ASTN2: variants seen among roughly 807,000 people sequenced by gnomAD.
ASTN2 encodes astrotactin 2, also known as astrotactin-2.
In ASTN2, 54 loss-of-function variants were observed where a neutral mutation model predicts 139.8. The observed-to-expected ratio is 0.39, with a 90% CI of 0.31 to 0.48. The LOEUF is 0.48. ASTN2 is among the 20% of genes least tolerant of loss of function. The pLI, the probability that ASTN2 is intolerant of heterozygous loss-of-function variation, is 0.95. For missense variants in ASTN2, 1,565 were observed against 1,725.1 expected (o/e 0.91, Z 1.64); for synonymous variants, 756 against 719.5 (o/e 1.05, Z -0.81).
At position 117,216,888 on chromosome 9, in the gene ASTN2, T is replaced by C. The variant is rs189222260; in HGVS notation, c.631-2146A>G. Among the ~76,000 whole-genome samples, 8 of 152,352 alleles carry C rather than the reference T, an allele frequency of 5.3e-5. No individual in the cohort carries two copies. In the East Asian group the frequency reaches 1.5e-3, roughly 29 times the overall value. On this transcript the variant is annotated intron_variant, in intron 2 of 22. Transcript: ENST00000313400. Reference sequence around the variant, plus strand: ...TTAACACCTTTACTGAATGTTTTTTTATTTAATCTTTAAGACAAGACTATG... The same window carrying C: ...TTAACACCTTTACTGAATGTTTTTTCATTTAATCTTTAAGACAAGACTATG...
At chr9:117,104,070 A>G (rs115986385) in intron 4 of ASTN2, among the ~76,000 whole-genome samples, 3,525 of 152,316 alleles carry the variant, frequency 0.023, 124 homozygotes, top group African/African-American at 0.081. Flanking sequence ...TCACCCATCC[A>G]GCTAAGTGGA....
chr9:116,984,523 C>T (rs2132540527), intron 7 of ASTN2, among the ~76,000 whole-genome samples: 1 of 152,230 alleles, frequency 6.6e-6, no homozygotes, highest in South Asian at 2.1e-4. Flanking sequence ...CCCTTTGAAG[C>T]TTCTTTCAGC....
chr9:117,365,803 A>G (rs1239371271), intron 1 of ASTN2, among the ~76,000 whole-genome samples: 1 of 152,220 alleles, frequency 6.6e-6, no homozygotes, highest in Non-Finnish European at 1.5e-5. Flanking sequence ...GCCAAGGGTG[A>G]AGGCAGCTTG....
chr9:116,804,590 G>T (rs1182530332), intron 13 of ASTN2, among the ~76,000 whole-genome samples: 1 of 152,040 alleles, frequency 6.6e-6, no homozygotes, highest in East Asian at 1.9e-4. Flanking sequence ...CATTATTATT[G>T]TTAGTAGTTA....
chr9:116,657,198 T>C (rs910293488), intron 16 of ASTN2, among the ~76,000 whole-genome samples: 18 of 152,332 alleles, frequency 1.2e-4, no homozygotes, highest in Admixed American at 8.5e-4. Flanking sequence ...CCTGCACTTC[T>C]GTGTTGTGCA....
intron 17 of ASTN2, among the ~76,000 whole-genome samples, chr9:116,644,766 T>C (rs1437570477): frequency 2.6e-5 from 4 of 152,178 alleles, no homozygotes; most frequent in African/African-American, 7.2e-5. Flanking sequence ...AGGAGTAAAA[T>C]TGGCATTGTC....
chr9:117,241,927 C>A (rs1052062558), intron 2 of ASTN2, among the ~76,000 whole-genome samples: 2 of 146,352 alleles, frequency 1.4e-5, no homozygotes, highest in Admixed American at 1.3e-4. Flanking sequence ...GCAAGTTACC[C>A]CCCCCCACAC....
rs991738055 is a variant in ASTN2 at position 116,469,577 on chromosome 9, T to A, written c.3497+17782A>T. Among the ~76,000 whole-genome samples, 25 of 152,306 alleles carry A rather than the reference T, an allele frequency of 1.6e-4. No homozygotes were observed. In the Middle Eastern group the frequency reaches 0.02, roughly 124 times the overall value. On this transcript the variant is annotated intron_variant, in intron 20 of 22. Coordinates refer to ENST00000313400, the MANE Select transcript of ASTN2 (RefSeq NM_001365068.1). ...TTCTGCCACTTATTCCCTCAGTGACTTTGGCCAATTTATTGAACCTTCATG... is the reference window on the plus strand; with the variant it reads ...TTCTGCCACTTATTCCCTCAGTGACATTGGCCAATTTATTGAACCTTCATG...
chr9:117,008,231 G>T lies in ASTN2; in HGVS notation c.1452C>A (p.Ser484Arg), dbSNP rs1292640668. ...TTAACCAGTCGGAGATGTCCAGGTA[G>T]CTCCCTTCACTCACCACGAAGCTGC... ...DGSSFVVSEG[S>R]YLDISDWLNP... The change falls in exon 7 of 23, where the codon AGC becomes AGA. Residue 484 changes from serine to arginine, a missense_variant. Transcript: ENST00000313400. The T allele has an allele frequency of 6.2e-7, 1 of 1,606,862 alleles. No homozygotes were observed. Among genetic ancestry groups the T allele is most frequent in the Non-Finnish European group, 8.5e-7 (1 of 1,176,628 alleles).
chr9:117,115,980 G>A (rs1829377424), intron 4 of ASTN2, among the ~76,000 whole-genome samples: 1 of 150,840 alleles, frequency 6.6e-6, no homozygotes, highest in Non-Finnish European at 1.5e-5. Context: ...AGCTGAGATT[G>A]TGCCACTGCA....
chr9:116,574,874 C>A (rs1002410386), intron 19 of ASTN2, among the ~76,000 whole-genome samples: 2 of 152,124 alleles, frequency 1.3e-5, no homozygotes, highest in African/African-American at 4.8e-5. Flanking sequence ...CCAACTGGTA[C>A]GGGCTCAAAA....
intron 6 of ASTN2, among the ~76,000 whole-genome samples, chr9:117,026,654 A>C (rs141098553): frequency 1.3e-5 from 2 of 152,260 alleles, no homozygotes; most frequent in Non-Finnish European, 2.9e-5. Context: ...GGCAGCGCCT[A>C]TCAGGTTCCT....
intron 5 of ASTN2, among the ~76,000 whole-genome samples, chr9:117,042,609 G>A (rs1320486314): frequency 2.0e-5 from 3 of 151,910 alleles, no homozygotes; most frequent in African/African-American, 7.2e-5. Flanking sequence ...AGTGCTGCAA[G>A]AAGCTGTTTC....
At chr9:116,639,410 G>A (rs929217227) in intron 17 of ASTN2, among the ~76,000 whole-genome samples, 3 of 152,158 alleles carry the variant, frequency 2.0e-5, no homozygotes, top group Non-Finnish European at 4.4e-5. Context: ...AACTGCATAT[G>A]CCTGGTGAAT....
chr9:116,899,409 T>C (rs1191048540), intron 10 of ASTN2, among the ~76,000 whole-genome samples: 1 of 152,206 alleles, frequency 6.6e-6, no homozygotes, highest in Non-Finnish European at 1.5e-5. Flanking sequence ...CCACATCCTA[T>C]TTTCCTTTAG....
At chr9:116,997,064 G>A (rs976321405) in intron 7 of ASTN2, among the ~76,000 whole-genome samples, 70 of 152,140 alleles carry the variant, frequency 4.6e-4, no homozygotes, top group African/African-American at 1.5e-3. Flanking sequence ...CAGCTTTGTG[G>A]TGTGAGATTT....
intron 20 of ASTN2, among the ~76,000 whole-genome samples, chr9:116,484,436 C>T (rs894548053): frequency 6.6e-6 from 1 of 152,168 alleles, no homozygotes; most frequent in African/African-American, 2.4e-5. Context: ...AAGGCCTGTG[C>T]TATTTCTACT....
rs181978137 is a variant in ASTN2 at position 116,813,023 on chromosome 9, T to A, written c.2208-7203A>T. Reference sequence around the variant, plus strand: ...GTCTATTTAGTTGTTGGGTTTTTTTTAAATTTTATTTTTGTACTATGACAC... The same window carrying A: ...GTCTATTTAGTTGTTGGGTTTTTTTAAAATTTTATTTTTGTACTATGACAC... On this transcript the variant is annotated intron_variant, in intron 12 of 22. Transcript: ENST00000313400. 1.3e-3 allele frequency among the ~76,000 whole-genome samples: 202 copies of A among 152,286 alleles called. 1 individual carries two copies. Among genetic ancestry groups the A allele is most frequent in the African/African-American group, 4.5e-3 (187 of 41,554 alleles).
intron 16 of ASTN2, among the ~76,000 whole-genome samples, chr9:116,718,040 G>A (rs1331071195): frequency 6.6e-6 from 1 of 152,236 alleles, no homozygotes; most frequent in Non-Finnish European, 1.5e-5. Context: ...TGCAGCAAGA[G>A]AGAAAGATGT....
Sources: gnomAD v4.1 joint callset for allele counts (sites outside exome capture counted in the v4.1 genomes callset) on GRCh38, gnomAD v4.1.1 for gene constraint, MANE v1.5 for transcripts, NCBI Gene and HGNC (gene_info 2026-07-23, HGNC 2026-07-21) for gene names.